The following ACOT7 variants were observed in gnomAD, a reference collection of about 807,000 sequenced individuals.
The protein encoded by ACOT7 is cytosolic acyl coenzyme A thioester hydrolase.
ACOT7 carries 12 observed loss-of-function variants against 40.2 expected under a neutral mutation model. The ratio of observed to expected loss-of-function variants is 0.30; its 90% CI spans 0.19 to 0.48. The LOEUF is 0.48. Ranked by LOEUF, ACOT7 falls within the 20% of genes least tolerant of loss-of-function variation. The probability of loss-of-function intolerance (pLI) is 0.99; values close to 1 mark genes in which losing one functional copy is unlikely to be tolerated. For synonymous variants in ACOT7, 228 were observed against 219.5 expected (o/e 1.04, Z -0.34); for missense variants, 395 against 530.8 (o/e 0.74, Z 2.51).
chr1:6,318,414 A>G, intron 6 of ACOT7, 78 bp downstream of exon 6: 1 of 1,469,462 alleles, frequency 6.8e-7, no homozygotes, highest in Non-Finnish European at 9.4e-7. Context: ...CAAGTGTGTC[A>G]GACAGCAGCA....
At chr1:6,307,864 A>C (rs1381431688) in intron 6 of ACOT7, among the ~76,000 whole-genome samples, 1 of 150,424 alleles carries the variant, frequency 6.6e-6, no homozygotes, top group East Asian at 2.0e-4. Context: ...GGAACCACAA[A>C]CAGGCAGAGG....
In ACOT7 at chr1:6,330,935, CTA is replaced by C. The variant is rs1265682181; in HGVS notation, c.510+2540_510+2541del. Among the ~76,000 whole-genome samples the C allele has an allele frequency of 6.6e-6, 1 of 152,186 alleles. No homozygotes were observed. The highest frequency in any genetic ancestry group is 2.4e-5 in the African/African-American group (1 of 41,434). ...ATCTGAAAATTAAATCCGTTAAATG[CTA>C]TGTCTCAATATTTACATGTGATGTG... is the stretch of plus-strand genomic sequence containing the variant. On this transcript the variant is annotated intron_variant, in intron 4 of 8. Coordinates refer to ENST00000361521, the MANE Select transcript of ACOT7 (RefSeq NM_007274.4). This position sits in a 1 kb window ranked among gnomAD's most constrained non-coding sequence, Gnocchi z 4.6.
rs1303899527 is a variant in ACOT7 at position 6,343,043 on chromosome 1, T to C, written c.262-3454A>G. On this transcript the variant is annotated intron_variant, in intron 2 of 8. Transcript: ENST00000361521. ...CCTTAGGACATTGACAGCATGACAC[T>C]GAGGAGCCCTCAGGCTTCCCAGGGC... Among the ~76,000 whole-genome samples the C allele has an allele frequency of 2.0e-5, 3 of 152,200 alleles. No homozygotes were observed. The East Asian group carries it at 5.8e-4, about 29-fold the overall frequency.
intron 1 of ACOT7, among the ~76,000 whole-genome samples, chr1:6,388,631 C>T (rs1642480691): frequency 6.8e-6 from 1 of 146,658 alleles, no homozygotes; most frequent in South Asian, 2.2e-4. Context: ...CCCAGCTACT[C>T]GGGAAGCTGA....
In ACOT7 at chr1:6,306,114, G is replaced by A. The variant is rs1176519570; in HGVS notation, c.713-11134C>T. The A allele has an allele frequency of 2.2e-6, 1 of 451,522 alleles. No individual in the cohort carries two copies. The highest frequency in any genetic ancestry group is 1.6e-4 in the East Asian group (1 of 6,374). The allele number at this position is 451,522 out of a possible 1,614,324, so 28.0% of individuals were successfully genotyped here. A position where few individuals can be genotyped will look rare whatever the true frequency, so the allele number is the denominator to read the frequency against. The stretch of plus-strand genomic sequence containing the variant: ...TGAGGCAGGAGAATCAGGCAGGGAG[G>A]TTGCAGTGAGCCAAGATGGCAGCAG... On this transcript the variant is annotated intron_variant, in intron 6 of 8. Coordinates refer to ENST00000361521, the MANE Select transcript of ACOT7 (RefSeq NM_007274.4). The surrounding 1 kb of genome is among the most constrained non-coding windows in gnomAD (Gnocchi z 4.3).
Position 6,393,550 on chromosome 1 carries a change from T to G in ACOT7, c.-151A>C. ...CCAGGCCGCCAAGGCTGCAGAGAGC[T>G]CGCGCGGGCGTACGATTCTGGCGGC... On this transcript the variant is annotated 5_prime_UTR_variant, in exon 1 of 9. Coordinates refer to ENST00000361521, the MANE Select transcript of ACOT7 (RefSeq NM_007274.4). 1 of 646,760 alleles carries G rather than the reference T, an allele frequency of 1.5e-6. No homozygotes were observed. Among genetic ancestry groups the G allele is most frequent in the East Asian group, 4.1e-5 (1 of 24,536 alleles). The allele number at this position is 646,760 out of a possible 1,614,324, so 40.1% of individuals were successfully genotyped here.
chr1:6,330,061 T>G lies in ACOT7; in HGVS notation c.511-2648A>C, dbSNP rs1640914159. On this transcript the variant is annotated intron_variant, in intron 4 of 8. Transcript: ENST00000361521. This position sits in a 1 kb window ranked among gnomAD's most constrained non-coding sequence, Gnocchi z 4.6. ...CACACATCCAGGAAACCAGTGTGTG[T>G]GTGTGGTGTGTGTGTGTGTGTGCGT... Among the ~76,000 whole-genome samples the G allele has an allele frequency of 6.6e-6, 1 of 152,118 alleles. No individual in the cohort carries two copies. Among genetic ancestry groups the G allele is most frequent in the Non-Finnish European group, 1.5e-5 (1 of 68,014 alleles).
intron 7 of ACOT7, among the ~76,000 whole-genome samples, chr1:6,290,182 A>G (rs1639625576): frequency 6.6e-6 from 1 of 152,226 alleles, no homozygotes; most frequent in Admixed American, 6.5e-5. Flanking sequence ...AAGGCGAGAC[A>G]TGGATTCTTC....
chr1:6,287,195 C>T (rs1571271913), intron 7 of ACOT7, among the ~76,000 whole-genome samples: 1 of 152,206 alleles, frequency 6.6e-6, no homozygotes, highest in African/African-American at 2.4e-5. Flanking sequence ...TGGCTGTAGC[C>T]GCATGTAATC....
In ACOT7 at chr1:6,377,841, C is replaced by T. The variant is rs116222862; in HGVS notation, c.143+15416G>A. ...ATCCCAGCACTTTGGTAAGCCTAGG[C>T]GGACGGATCACAAGGTCAGGAGATC... On this transcript the variant is annotated intron_variant, in intron 1 of 8. Coordinates refer to ENST00000361521, the MANE Select transcript of ACOT7 (RefSeq NM_007274.4). Among the ~76,000 whole-genome samples, 1,259 of 152,220 alleles carry T rather than the reference C, an allele frequency of 8.3e-3. 17 individuals are homozygous for T. Among genetic ancestry groups the T allele is most frequent in the African/African-American group, 0.029 (1,193 of 41,536 alleles).
rs114480118 is a variant in ACOT7, at chr1:6,349,072, C to G, written c.261+677G>C. On this transcript the variant is annotated intron_variant, in intron 2 of 8. Transcript: ENST00000361521. ...GTCCTCAGCACCCAAGGGCTGGCTT[C>G]CCCCCAACAGCCGCCCTTCAGAGAA... Among the ~76,000 whole-genome samples, 1,476 of 152,296 alleles carry G rather than the reference C, an allele frequency of 9.7e-3. 23 individuals carry two copies. The highest frequency in any genetic ancestry group is 0.033 in the African/African-American group (1,383 of 41,570).
chr1:6,373,837 C>G (rs1023746155), intron 1 of ACOT7, among the ~76,000 whole-genome samples: 2 of 150,982 alleles, frequency 1.3e-5, no homozygotes, highest in African/African-American at 4.9e-5. Flanking sequence ...TGCACTCCAG[C>G]CTGGGCAACA....
intron 1 of ACOT7, among the ~76,000 whole-genome samples, chr1:6,375,366 C>T (rs1489072998): frequency 6.6e-6 from 1 of 151,698 alleles, no homozygotes; most frequent in South Asian, 2.1e-4. Context: ...ACAAAGAAAT[C>T]TTAAAACTCA....
At chr1:6,335,871 G>A (rs1035785775) in intron 3 of ACOT7, among the ~76,000 whole-genome samples, 1 of 152,192 alleles carries the variant, frequency 6.6e-6, no homozygotes, top group Non-Finnish European at 1.5e-5. Context: ...CTGACAACCT[G>A]CTTTTGGGAA....
intron 3 of ACOT7, among the ~76,000 whole-genome samples, chr1:6,335,078 C>T (rs1391051128): frequency 6.6e-6 from 1 of 152,032 alleles, no homozygotes; most frequent in East Asian, 1.9e-4. Flanking sequence ...CACCTGTAAT[C>T]CCAGCACTTT....
Position 6,282,679 on chromosome 1 carries a change from A to T in ACOT7, c.830-1393T>A, listed in dbSNP as rs994439416. 7.8e-7 allele frequency: 1 copy of T among 1,287,028 alleles called. No homozygotes were observed. Among genetic ancestry groups the T allele is most frequent in the Admixed American group, 2.3e-5 (1 of 43,526 alleles). The allele number at this position is 1,287,028 out of a possible 1,614,324, so 79.7% of individuals were successfully genotyped here. ...GAGGCAAGAGCGGTTATTCCATGTTAAAAAGTATCAGAACGATCCATGCTA... is the reference window on the plus strand; with the variant it reads ...GAGGCAAGAGCGGTTATTCCATGTTTAAAAGTATCAGAACGATCCATGCTA... On this transcript the variant is annotated intron_variant, in intron 7 of 8. Coordinates refer to ENST00000361521, the MANE Select transcript of ACOT7 (RefSeq NM_007274.4). This position sits in a 1 kb window ranked among gnomAD's most constrained non-coding sequence, Gnocchi z 4.5.
At chr1:6,290,622 C>T (rs1032916880) in intron 7 of ACOT7, among the ~76,000 whole-genome samples, 1 of 152,210 alleles carries the variant, frequency 6.6e-6, no homozygotes, top group Admixed American at 6.5e-5. Flanking sequence ...TACAACACCC[C>T]AACACAAAGA....
At chr1:6,375,937 C>G in intron 1 of ACOT7, among the ~76,000 whole-genome samples, 1 of 127,374 alleles carries the variant, frequency 7.9e-6, no homozygotes, top group Admixed American at 8.4e-5. Context: ...GACTCCACCT[C>G]AAAAAAAAAA....
At chr1:6,350,140 C>A (rs1183477983) in intron 1 of ACOT7, among the ~76,000 whole-genome samples, 2 of 152,198 alleles carry the variant, frequency 1.3e-5, no homozygotes, top group Non-Finnish European at 2.9e-5. Flanking sequence ...CCCTGGACTG[C>A]CCTGGCAGGG....
Sources: gnomAD v4.1 joint callset for allele counts (sites outside exome capture counted in the v4.1 genomes callset) on GRCh38, gnomAD v4.1.1 for gene constraint, Gnocchi (gnomAD v3.1) non-coding constraint, MANE v1.5 for transcripts, NCBI Gene and HGNC (gene_info 2026-07-23, HGNC 2026-07-21) for gene names.